OSBPL2: variants seen among roughly 807,000 people sequenced by gnomAD.
OSBPL2 encodes the protein oxysterol-binding protein-related protein 2.
A neutral mutation model predicts 58.4 loss-of-function variants in OSBPL2; 18 were observed. The ratio of observed to expected loss-of-function variants is 0.31; its 90% CI spans 0.21 to 0.46. OSBPL2 has a LOEUF of 0.46. OSBPL2 is among the 20% of genes least tolerant of loss of function. The probability of loss-of-function intolerance (pLI) is 1.00; values close to 1 mark genes in which losing one functional copy is unlikely to be tolerated. For synonymous variants in OSBPL2, 221 were observed against 234.1 expected (o/e 0.94, Z 0.51); for missense variants, 461 against 616.5 (o/e 0.75, Z 2.67).
chr20:62,272,998 T>A (rs1188942683), intron 5 of OSBPL2, among the ~76,000 whole-genome samples: 1 of 152,126 alleles, frequency 6.6e-6, no homozygotes, highest in African/African-American at 2.4e-5. Flanking sequence ...GTGTGTTGAG[T>A]GTGTGGCCTT....
chr20:62,254,654 G>A (rs1481119950), intron 1 of OSBPL2, among the ~76,000 whole-genome samples: 1 of 152,254 alleles, frequency 6.6e-6, no homozygotes, highest in African/African-American at 2.4e-5. Flanking sequence ...CCAGCACTGG[G>A]GGCCGTTCTC....
intron 5 of OSBPL2, 22 bp from the exon 6 acceptor site, chr20:62,273,287 C>T (rs770496065): frequency 6.3e-7 from 1 of 1,587,888 alleles, no homozygotes; most frequent in African/African-American, 1.4e-5. Flanking sequence ...CTGTGCCTGT[C>T]CCCCCCGTGG....
intron 3 of OSBPL2, among the ~76,000 whole-genome samples, chr20:62,262,962 A>G (rs145739241): frequency 5.5e-4 from 83 of 152,050 alleles, no homozygotes; most frequent in African/African-American, 1.9e-3. Flanking sequence ...ATCCAAGTTT[A>G]TGTCTCCATT....
Position 62,272,128 on chromosome 20 carries a change from C to G in OSBPL2, c.262C>G (p.Leu88Val). ...TILKKCVGLE[L>V]SKITMPIAFN... ...CGAGTCTTCCCCATCTTTCCAGGAGCTGTCCAAGATCACGATGCCAATCGC... is the reference window on the plus strand; with the variant it reads ...CGAGTCTTCCCCATCTTTCCAGGAGGTGTCCAAGATCACGATGCCAATCGC... Residue 88 changes from leucine (L) to valine (V), a missense_variant, in exon 5 of 14, where the codon CTG (leucine) becomes GTG (valine). Transcript: ENST00000313733. 6.2e-7 allele frequency: 1 copy of G among 1,613,742 alleles called. No homozygotes were observed. The highest frequency in any genetic ancestry group is 8.5e-7 in the Non-Finnish European group (1 of 1,179,890).
intron 3 of OSBPL2, among the ~76,000 whole-genome samples, chr20:62,263,216 G>A (rs1329571248): frequency 1.3e-5 from 2 of 152,176 alleles, no homozygotes; most frequent in African/African-American, 2.4e-5. Flanking sequence ...TTTTAATTCA[G>A]GTCACTCTTG....
chr20:62,263,786 CCGGGCG>C (rs1981477197), intron 4 of OSBPL2, 95 bp downstream of exon 4: 3 of 1,143,046 alleles, frequency 2.6e-6, no homozygotes, highest in Non-Finnish European at 3.9e-6. Context: ...GCGCTCTTGG[CCGGGCG>C]CGGTGGCTCA....
At chr20:62,260,233 C>T in intron 3 of OSBPL2, 108 bp downstream of exon 3, 3 of 1,064,312 alleles carry the variant, frequency 2.8e-6, no homozygotes. Context: ...AGTGGCACCC[C>T]CACAGCTGTC....
chr20:62,282,642 C>T (rs909254513), intron 9 of OSBPL2, among the ~76,000 whole-genome samples: 7 of 152,182 alleles, frequency 4.6e-5, no homozygotes, highest in African/African-American at 1.7e-4. Context: ...GCCTGGCCAA[C>T]ATGGTAAAAC....
intron 1 of OSBPL2, among the ~76,000 whole-genome samples, chr20:62,243,438 C>T (rs1979870072): frequency 7.0e-6 from 1 of 143,278 alleles, no homozygotes; most frequent in Non-Finnish European, 1.5e-5. Context: ...TGCCCCGCAG[C>T]CCCTGCCCCG....
intron 10 of OSBPL2, chr20:62,285,163 G>A (rs1031754209): frequency 6.6e-6 from 1 of 152,150 alleles, no homozygotes; most frequent in African/African-American, 2.4e-5. Context: ...TTATGTTGTT[G>A]TATTCATTTG....
intron 1 of OSBPL2, among the ~76,000 whole-genome samples, chr20:62,241,621 G>C (rs1979744762): frequency 6.6e-6 from 1 of 152,274 alleles, no homozygotes; most frequent in African/African-American, 2.4e-5. Context: ...TGGTGCGCCA[G>C]ACCAGGGCTC....
At chr20:62,241,717 T>C (rs184977642) in intron 1 of OSBPL2, among the ~76,000 whole-genome samples, 3 of 152,370 alleles carry the variant, frequency 2.0e-5, no homozygotes, top group East Asian at 3.9e-4. Flanking sequence ...TGTGAAAATA[T>C]AACATCAAGT....
At chr20:62,291,568 C>A in intron 12 of OSBPL2, 135 bp from the exon 13 acceptor site, 1 of 786,572 alleles carries the variant, frequency 1.3e-6, no homozygotes, top group Non-Finnish European at 2.2e-6. Flanking sequence ...TGTTTGGTCT[C>A]CCGATCACAG....
chr20:62,252,896 A>G (rs1271560731), intron 1 of OSBPL2, among the ~76,000 whole-genome samples: 3 of 152,222 alleles, frequency 2.0e-5, no homozygotes, highest in Admixed American at 6.5e-5. Flanking sequence ...GACCAGGAGG[A>G]CAGCACCAAG....
chr20:62,250,088 G>A (rs895055819), intron 1 of OSBPL2, among the ~76,000 whole-genome samples: 5 of 152,248 alleles, frequency 3.3e-5, no homozygotes, highest in African/African-American at 1.2e-4. Flanking sequence ...GCCCTCCTGG[G>A]AGCACCTTCG....
chr20:62,250,125 CCA>C (rs758333664), intron 1 of OSBPL2, among the ~76,000 whole-genome samples: 17 of 152,260 alleles, frequency 1.1e-4, no homozygotes, highest in Non-Finnish European at 2.2e-4. Flanking sequence ...GGCGGGACCA[CCA>C]CAGTTCCACC....
chr20:62,279,101 CCTTT>C (rs1982609426), intron 6 of OSBPL2, 52 bp from the exon 7 acceptor site: 2 of 1,461,054 alleles, frequency 1.4e-6, no homozygotes, highest in Non-Finnish European at 1.9e-6. Flanking sequence ...TCTGAGCTGC[CCTTT>C]CTTTTATTTT....
chr20:62,261,378 C>A (rs1364836095), intron 3 of OSBPL2, among the ~76,000 whole-genome samples: 2 of 151,416 alleles, frequency 1.3e-5, no homozygotes, highest in Non-Finnish European at 2.9e-5. Flanking sequence ...CAGGCAGTGG[C>A]CCTGGAGCTG....
At chr20:62,255,870 A>G (rs1980889054) in intron 1 of OSBPL2, among the ~76,000 whole-genome samples, 187 bp from the exon 2 acceptor site, 1 of 152,192 alleles carries the variant, frequency 6.6e-6, no homozygotes, top group African/African-American at 2.4e-5. Flanking sequence ...TCATTGATTG[A>G]TCTTCCGTTA....
Sources: gnomAD v4.1 joint callset for allele counts (sites outside exome capture counted in the v4.1 genomes callset) on GRCh38, gnomAD v4.1.1 for gene constraint, MANE v1.5 for transcripts, NCBI Gene and HGNC (gene_info 2026-07-23, HGNC 2026-07-21) for gene names.